NEURL1: variants seen among roughly 807,000 people sequenced by gnomAD.
NEURL1 encodes the protein E3 ubiquitin-protein ligase NEURL1.
NEURL1 carries 26 observed loss-of-function variants against 41.2 expected under a neutral mutation model. The observed-to-expected ratio is 0.63, with a 90% CI of 0.46 to 0.87. NEURL1 has a LOEUF of 0.87. NEURL1 is among the 40% of genes least tolerant of loss of function. The pLI, the probability that NEURL1 is intolerant of heterozygous loss-of-function variation, is 0.00. For synonymous variants in NEURL1, 400 were observed against 402.3 expected (o/e 0.99, Z 0.07); for missense variants, 761 against 871.1 (o/e 0.87, Z 1.59).
chr10:103,558,973 G>A lies in NEURL1; in HGVS notation c.86-11899G>A, dbSNP rs2035222484. ...GAGTGTCAGAGGATGCTGGCGTACA[G>A]GGACCCGAGACATTGGCTCCCACCC... On this transcript the variant is annotated intron_variant, in intron 1 of 5. Transcript: ENST00000369780. This position sits in a 1 kb window ranked among gnomAD's most constrained non-coding sequence, Gnocchi z 4.2. Among the ~76,000 whole-genome samples the A allele has an allele frequency of 6.6e-6, 1 of 152,090 alleles. No individual in the cohort carries two copies. The highest frequency in any genetic ancestry group is 2.4e-5 in the African/African-American group (1 of 41,418).
chr10:103,499,641 GTTTTT>G (rs200192922), intron 1 of NEURL1, among the ~76,000 whole-genome samples: 1 of 151,120 alleles, frequency 6.6e-6, no homozygotes, highest in Non-Finnish European at 1.5e-5. Context: ...ATTTCTGTAG[GTTTTT>G]TTTTAAGAGA....
At chr10:103,524,732 T>A (rs2034426117) in intron 1 of NEURL1, among the ~76,000 whole-genome samples, 1 of 152,230 alleles carries the variant, frequency 6.6e-6, no homozygotes, top group South Asian at 2.1e-4. Context: ...TCTTGTCACC[T>A]TTATTGAAAA....
intron 1 of NEURL1, among the ~76,000 whole-genome samples, chr10:103,503,755 T>A (rs1320666875): frequency 6.6e-6 from 1 of 150,498 alleles, no homozygotes; most frequent in Non-Finnish European, 1.5e-5. Context: ...TGCTAACATA[T>A]ATGTGCTAGA....
intron 3 of NEURL1, among the ~76,000 whole-genome samples, chr10:103,578,589 A>AAGC (rs2035716613): frequency 6.6e-6 from 1 of 152,198 alleles, no homozygotes; most frequent in Non-Finnish European, 1.5e-5. Flanking sequence ...CTTTTTAAAA[A>AAGC]AGTTTGAGAC....
chr10:103,511,664 C>T (rs566434455), intron 1 of NEURL1: 1 of 152,384 alleles, frequency 6.6e-6, no homozygotes, highest in Admixed American at 6.5e-5. Context: ...CTTAGCTTCG[C>T]CTACTCTAGG....
At chr10:103,519,251 AAAAG>A (rs149479157) in intron 1 of NEURL1, among the ~76,000 whole-genome samples, 14 of 152,108 alleles carry the variant, frequency 9.2e-5, no homozygotes, top group South Asian at 2.1e-4. Flanking sequence ...TGTCTCAAAA[AAAAG>A]AAAGAAAGAA....
intron 1 of NEURL1, among the ~76,000 whole-genome samples, chr10:103,547,306 G>GCTGC (rs1490427685): frequency 6.6e-6 from 1 of 152,274 alleles, no homozygotes. Context: ...CTGGGATCCA[G>GCTGC]CTGCCAGTGG....
In NEURL1 at chr10:103,565,383, C is replaced by T. The variant is rs562995625; in HGVS notation, c.86-5489C>T. 8.4e-4 allele frequency among the ~76,000 whole-genome samples: 128 copies of T among 152,282 alleles called. 1 individual carries two copies. Among genetic ancestry groups the T allele is most frequent in the South Asian group, 6.2e-3 (30 of 4,824 alleles). On this transcript the variant is annotated intron_variant, in intron 1 of 5. Coordinates refer to ENST00000369780, the MANE Select transcript of NEURL1 (RefSeq NM_004210.5). ...GGCCGGGCCTGGCAGAAGACAGGCACGGTAATCAGTGGGTGGGGCTTTGCA... is the reference window on the plus strand; with the variant it reads ...GGCCGGGCCTGGCAGAAGACAGGCATGGTAATCAGTGGGTGGGGCTTTGCA...
At chr10:103,549,457 A>T (rs2034990074) in intron 1 of NEURL1, among the ~76,000 whole-genome samples, 1 of 151,858 alleles carries the variant, frequency 6.6e-6, no homozygotes, top group African/African-American at 2.4e-5. Flanking sequence ...ACTCTTCCAG[A>T]CTCGAGGCAG....
rs761156924 is a variant in NEURL1, at chr10:103,571,780, C to G, written c.607C>G (p.Leu203Val). ...GVRTADPLWA[L>V]VDVYGLTRGV... Reference sequence around the variant, plus strand: ...CCGCACGGCCGACCCGCTCTGGGCCCTGGTGGACGTCTACGGCCTCACGCG... The same window carrying G: ...CCGCACGGCCGACCCGCTCTGGGCCGTGGTGGACGTCTACGGCCTCACGCG... Residue 203 changes from leucine (L) to valine (V), a missense_variant, in exon 3 of 6, where the codon CTG becomes GTG. Leu to Val is a conservative substitution (Grantham distance 32). Coordinates refer to ENST00000369780, the MANE Select transcript of NEURL1 (RefSeq NM_004210.5). 1.2e-6 allele frequency: 2 copies of G among 1,613,162 alleles called. No homozygotes were observed. The highest frequency in any genetic ancestry group is 1.7e-6 in the Non-Finnish European group (2 of 1,179,522).
chr10:103,495,380 C>T (rs1247448784), intron 1 of NEURL1, among the ~76,000 whole-genome samples: 1 of 152,246 alleles, frequency 6.6e-6, no homozygotes, highest in Non-Finnish European at 1.5e-5. Flanking sequence ...GAATACCCCA[C>T]TTCCTAAGCT....
intron 3 of NEURL1, among the ~76,000 whole-genome samples, chr10:103,577,236 G>C (rs1223008468): frequency 6.6e-6 from 1 of 152,052 alleles, no homozygotes; most frequent in Non-Finnish European, 1.5e-5. Flanking sequence ...CCCAAATTCT[G>C]CCAGCTATAT....
intron 1 of NEURL1, among the ~76,000 whole-genome samples, chr10:103,505,332 C>T (rs114011803): frequency 6.6e-6 from 1 of 151,394 alleles, no homozygotes; most frequent in African/African-American, 2.4e-5. Context: ...AAGCAATTCT[C>T]TCTGCCTCAG....
intron 1 of NEURL1, among the ~76,000 whole-genome samples, chr10:103,541,741 C>T (rs1407300913): frequency 6.6e-6 from 1 of 152,170 alleles, no homozygotes; most frequent in Non-Finnish European, 1.5e-5. Context: ...TTGTCTCAGG[C>T]CTATCTATTG....
intron 4 of NEURL1, 80 bp downstream of exon 4, chr10:103,585,305 C>CGAGCT (rs1335875260): frequency 1.8e-5 from 22 of 1,231,172 alleles, no homozygotes; most frequent in Non-Finnish European, 2.4e-5. Context: ...AGGGCGAGCT[C>CGAGCT]CCCTTCCTCC....
At chr10:103,522,714 A>G (rs2034381070) in intron 1 of NEURL1, among the ~76,000 whole-genome samples, 1 of 152,178 alleles carries the variant, frequency 6.6e-6, no homozygotes, top group Admixed American at 6.5e-5. Context: ...AAAATAATAC[A>G]TACATAAATA....
At chr10:103,539,539 C>T (rs1057503517) in intron 1 of NEURL1, among the ~76,000 whole-genome samples, 7 of 152,148 alleles carry the variant, frequency 4.6e-5, no homozygotes, top group African/African-American at 1.2e-4. Context: ...AGGGACAACA[C>T]GGCTTCTCAT....
At chr10:103,586,762 GA>G (rs2133886292) in intron 4 of NEURL1, among the ~76,000 whole-genome samples, 1 of 152,284 alleles carries the variant, frequency 6.6e-6, no homozygotes, top group South Asian at 2.1e-4. Context: ...AAAAGGAAAT[GA>G]AAAGCCTGGG....
chr10:103,571,195 C>G (rs530335530), intron 2 of NEURL1, 82 bp downstream of exon 2: 1 of 1,421,248 alleles, frequency 7.0e-7, no homozygotes, highest in Non-Finnish European at 9.7e-7. Context: ...GACTCTGCCC[C>G]TCAGCCGCTG....
Sources: allele counts gnomAD v4.1 joint callset (sites outside exome capture counted in the v4.1 genomes callset), GRCh38; gene constraint gnomAD v4.1.1; non-coding constraint Gnocchi (gnomAD v3.1); transcripts MANE v1.5; gene names NCBI Gene and HGNC (gene_info 2026-07-23, HGNC 2026-07-21).